The following MFHAS1 variants were observed in gnomAD, a reference collection of about 807,000 sequenced individuals.
MFHAS1 encodes multifunctional ROCO family signaling regulator 1, also known as malignant fibrous histiocytoma-amplified sequence 1.
Under a neutral mutation model 70.4 loss-of-function variants are expected in MFHAS1, and 50 were observed. The observed-to-expected ratio is 0.71, with a 90% CI of 0.57 to 0.90. The LOEUF is 0.90. Ranked by LOEUF, MFHAS1 falls within the 40% of genes least tolerant of loss-of-function variation. The pLI is 0.00. For missense variants in MFHAS1, 1,795 were observed against 1,347.6 expected, an observed-to-expected ratio of 1.33 and a Z score of -5.20; for synonymous variants, 952 against 620.0, an observed-to-expected ratio of 1.54 and a Z score of -7.96.
intron 1 of MFHAS1, among the ~76,000 whole-genome samples, chr8:8,839,967 C>T (rs1447219971): frequency 6.6e-6 from 1 of 152,172 alleles, no homozygotes; most frequent in East Asian, 1.9e-4. Context: ...AGATACAAAC[C>T]CACTAGTATT....
chr8:8,840,593 G>A (rs879743282), intron 1 of MFHAS1, among the ~76,000 whole-genome samples: 4 of 151,938 alleles, frequency 2.6e-5, no homozygotes, highest in Non-Finnish European at 2.9e-5. Flanking sequence ...CATCAAACTC[G>A]GCACACTGTA....
intron 1 of MFHAS1, among the ~76,000 whole-genome samples, chr8:8,880,460 C>A (rs564007584): frequency 6.6e-6 from 1 of 152,288 alleles, no homozygotes; most frequent in South Asian, 2.1e-4. Context: ...AAAGCAGCAT[C>A]AGTCATCAGG....
chr8:8,854,165 G>C (rs1199595361), intron 1 of MFHAS1, among the ~76,000 whole-genome samples: 2 of 152,160 alleles, frequency 1.3e-5, no homozygotes, highest in Admixed American at 6.5e-5. Flanking sequence ...AGGAGGCCAA[G>C]GTGGCAGGAT....
intron 1 of MFHAS1, among the ~76,000 whole-genome samples, chr8:8,827,196 T>C (rs745530809): frequency 2.0e-5 from 3 of 152,238 alleles, no homozygotes; most frequent in African/African-American, 7.2e-5. Context: ...CACCTACAGA[T>C]GGTCATATAA....
intron 1 of MFHAS1, among the ~76,000 whole-genome samples, chr8:8,816,371 A>C (rs1490230280): frequency 6.6e-6 from 1 of 152,236 alleles, no homozygotes; most frequent in African/African-American, 2.4e-5. Context: ...AACTATCACC[A>C]AGAAATATCA....
intron 2 of MFHAS1, among the ~76,000 whole-genome samples, chr8:8,793,252 T>G (rs1805780865): frequency 6.6e-6 from 1 of 152,218 alleles, no homozygotes; most frequent in Admixed American, 6.5e-5. Flanking sequence ...ACAAATTGTT[T>G]AAAATAAGAA....
Position 8,892,788 on chromosome 8 carries a change from C to T in MFHAS1, c.271G>A (p.Val91Ile). The change falls in exon 1 of 3, where the codon GTC (valine) becomes ATC (isoleucine). Residue 91 changes from valine to isoleucine, a missense_variant. Transcript: ENST00000276282. This position sits in a 1 kb window ranked among gnomAD's most constrained non-coding sequence, Gnocchi z 4.7. ...AAGCGGTTCCTGCGCAGGACCAGGA[C>T]GCGCAGGCTGCCCAGCGCCGACCCC... ...GLGSALGSLR[V>I]LVLRRNRFAR... The T allele has an allele frequency of 6.3e-7, 1 of 1,584,566 alleles. No homozygotes were observed. Among genetic ancestry groups the T allele is most frequent in the South Asian group, 1.1e-5 (1 of 87,518 alleles).
chr8:8,791,348 T>G (rs1805713702), intron 2 of MFHAS1, among the ~76,000 whole-genome samples: 1 of 152,138 alleles, frequency 6.6e-6, no homozygotes. Context: ...CATGTTAGAA[T>G]GTGGGTCGCA....
chr8:8,785,761 T>A lies in MFHAS1; in HGVS notation c.*261A>T. On this transcript the variant is annotated 3_prime_UTR_variant, in exon 3 of 3. Transcript: ENST00000276282. ...ACTTTTTTTTTTTTTTTTTCTTTTC[T>A]TCAAGTAGCGCGCTCCTTGGAGGAT... 1 of 384,302 alleles carries A rather than the reference T, an allele frequency of 2.6e-6. No homozygotes were observed. The highest frequency in any genetic ancestry group is 4.7e-6 in the Non-Finnish European group (1 of 213,254). 23.8% of individuals were successfully genotyped at this position (384,302 alleles called of 1,614,324 possible).
chr8:8,846,262 G>A (rs1400889328), intron 1 of MFHAS1, among the ~76,000 whole-genome samples: 188 of 32,680 alleles, frequency 5.8e-3, no homozygotes, highest in African/African-American at 0.03. Flanking sequence ...CCAAAAAAAA[G>A]GGGGGGGGGG....
chr8:8,868,970 A>T (rs970034676), intron 1 of MFHAS1, among the ~76,000 whole-genome samples: 1 of 152,200 alleles, frequency 6.6e-6, no homozygotes, highest in African/African-American at 2.4e-5. Flanking sequence ...GTGAGAAAAA[A>T]GATTATGGGC....
chr8:8,790,655 A>G (rs1306585025), intron 2 of MFHAS1, among the ~76,000 whole-genome samples: 2 of 152,174 alleles, frequency 1.3e-5, no homozygotes, highest in African/African-American at 2.4e-5. Flanking sequence ...CTCACCCTCT[A>G]TATTTTAAAA....
At chr8:8,841,570 C>T (rs1344268147) in intron 1 of MFHAS1, among the ~76,000 whole-genome samples, 2 of 152,138 alleles carry the variant, frequency 1.3e-5, no homozygotes, top group African/African-American at 4.8e-5. Context: ...ATGTAAGAGG[C>T]CTTGTGAGCT....
intron 1 of MFHAS1, among the ~76,000 whole-genome samples, chr8:8,883,747 G>A (rs1809627791): frequency 1.4e-5 from 2 of 147,086 alleles, no homozygotes; most frequent in Admixed American, 6.8e-5. Context: ...GGCTCCCATG[G>A]ATAGAAGCAA....
intron 1 of MFHAS1, among the ~76,000 whole-genome samples, chr8:8,800,626 G>A (rs1806053662): frequency 6.6e-6 from 1 of 152,174 alleles, no homozygotes; most frequent in Non-Finnish European, 1.5e-5. Context: ...TTACTTCTGA[G>A]ACTGCCCTCA....
chr8:8,811,184 T>C (rs1169411928), intron 1 of MFHAS1, among the ~76,000 whole-genome samples: 1 of 152,126 alleles, frequency 6.6e-6, no homozygotes, highest in African/African-American at 2.4e-5. Context: ...CAGCCGGGAC[T>C]TGAGGCCATT....
At position 8,801,951 on chromosome 8, in the gene MFHAS1, G is replaced by A. The variant is rs150458504; in HGVS notation, c.2999-4460C>T. Among the ~76,000 whole-genome samples, 4 of 152,326 alleles carry A rather than the reference G, an allele frequency of 2.6e-5. No homozygotes were observed. In the East Asian group the frequency reaches 5.8e-4, roughly 22 times the overall value. ...ACTTCAGAGTGGGGAACACTTAGAC[G>A]AAGGACCCAGCAACTTTTGTTATCA... is the stretch of plus-strand genomic sequence containing the variant. On this transcript the variant is annotated intron_variant, in intron 1 of 2. Coordinates refer to ENST00000276282, the MANE Select transcript of MFHAS1 (RefSeq NM_004225.3).
intron 1 of MFHAS1, among the ~76,000 whole-genome samples, chr8:8,840,177 C>G (rs1219464962): frequency 6.6e-6 from 1 of 152,172 alleles, no homozygotes; most frequent in Admixed American, 6.5e-5. Context: ...TCATTACTGG[C>G]CGGGCACAGT....
chr8:8,801,255 T>C (rs1030577467), intron 1 of MFHAS1, among the ~76,000 whole-genome samples: 1 of 152,046 alleles, frequency 6.6e-6, no homozygotes, highest in African/African-American at 2.4e-5. Flanking sequence ...CAGCAGACTA[T>C]TAAGCCTCCA....
Sources: allele counts gnomAD v4.1 joint callset (sites outside exome capture counted in the v4.1 genomes callset), GRCh38; gene constraint gnomAD v4.1.1; non-coding constraint Gnocchi (gnomAD v3.1); transcripts MANE v1.5; gene names NCBI Gene and HGNC (gene_info 2026-07-23, HGNC 2026-07-21).